ST6GALNAC5: variants seen among roughly 807,000 people sequenced by gnomAD.
The protein encoded by ST6GALNAC5 is alpha-N-acetylgalactosaminide alpha-2,6-sialyltransferase 5.
A neutral mutation model predicts 33.6 loss-of-function variants in ST6GALNAC5; 27 were observed. The ratio of observed to expected loss-of-function variants is 0.80; its 90% CI spans 0.59 to 1.11. ST6GALNAC5 has a LOEUF of 1.11. Among genes scored for constraint, ST6GALNAC5 ranks in the 50% least tolerant of loss-of-function variants. ST6GALNAC5 has a pLI of 0.00. For missense variants in ST6GALNAC5, 428 were observed against 454.0 expected (o/e 0.94, Z 0.52); for synonymous variants, 194 against 171.2 (o/e 1.13, Z -1.04).
chr1:76,906,363 A>T (rs1646864241), intron 2 of ST6GALNAC5, among the ~76,000 whole-genome samples: 1 of 152,144 alleles, frequency 6.6e-6, no homozygotes, highest in Non-Finnish European at 1.5e-5. Flanking sequence ...CATTTCCTCC[A>T]TGGGGGAAAT....
intron 2 of ST6GALNAC5, among the ~76,000 whole-genome samples, chr1:77,019,057 G>A (rs930377549): frequency 6.6e-6 from 1 of 152,140 alleles, no homozygotes; most frequent in African/African-American, 2.4e-5. Flanking sequence ...ATTCCCCTGA[G>A]CTTTGGAAGG....
intron 2 of ST6GALNAC5, among the ~76,000 whole-genome samples, chr1:76,951,430 C>G (rs1647738426): frequency 1.3e-5 from 2 of 152,040 alleles, no homozygotes; most frequent in Admixed American, 1.3e-4. Flanking sequence ...GCAATTAGAA[C>G]ACATGGACAC....
chr1:77,000,060 C>T (rs202025781), intron 2 of ST6GALNAC5, among the ~76,000 whole-genome samples: 43,817 of 71,366 alleles, frequency 0.61, 15,270 homozygotes, highest in Middle Eastern at 0.79. Flanking sequence ...CCTGAGGAAT[C>T]GCCACACTGA....
intron 2 of ST6GALNAC5, among the ~76,000 whole-genome samples, chr1:77,005,826 G>T (rs1033586111): frequency 6.6e-6 from 1 of 152,128 alleles, no homozygotes; most frequent in African/African-American, 2.4e-5. Flanking sequence ...GATCTGGATT[G>T]TTTCATTGAG....
chr1:76,877,640 G>A (rs1056262354), intron 2 of ST6GALNAC5, among the ~76,000 whole-genome samples: 3 of 152,208 alleles, frequency 2.0e-5, no homozygotes, highest in Non-Finnish European at 4.4e-5. Context: ...CCGATCCTCT[G>A]GCATGCAAAT....
chr1:76,931,451 C>A (rs1005758567), intron 2 of ST6GALNAC5, among the ~76,000 whole-genome samples: 48 of 152,040 alleles, frequency 3.2e-4, no homozygotes, highest in Non-Finnish European at 6.2e-4. Flanking sequence ...CCAAATTTAA[C>A]CTCCAAGCAT....
At position 76,908,931 on chromosome 1, in the gene ST6GALNAC5, A is replaced by T. The variant is rs578060376; in HGVS notation, c.261+40189A>T. ...TAAGAAATTGAAGTTTTATTTTCTG[A>T]AGTTATATATTAGTTTTATTTCCTA... On this transcript the variant is annotated intron_variant, in intron 2 of 4. Transcript: ENST00000477717. 9.2e-5 allele frequency among the ~76,000 whole-genome samples: 14 copies of T among 152,264 alleles called. No individual in the cohort carries two copies. In the South Asian group the frequency reaches 2.1e-3, roughly 23 times the overall value.
rs1487601450 is a variant in ST6GALNAC5, at chr1:77,064,941, G to A, written c.*1735G>A. On this transcript the variant is annotated 3_prime_UTR_variant, in exon 5 of 5. Coordinates refer to ENST00000477717, the MANE Select transcript of ST6GALNAC5 (RefSeq NM_030965.3). ...TTGTTAAAATGCAAACACAATCAGG[G>A]TACTCACATAACATAAACAAAGTTG... 1 of 152,112 alleles carries A rather than the reference G, an allele frequency of 6.6e-6. No homozygotes were observed. The highest frequency in any genetic ancestry group is 1.5e-5 in the Non-Finnish European group (1 of 68,018). The allele number at this position is 152,112 out of a possible 1,614,324, so 9.4% of individuals were successfully genotyped here.
intron 2 of ST6GALNAC5, among the ~76,000 whole-genome samples, chr1:76,943,972 T>C (rs1480658337): frequency 6.6e-6 from 1 of 152,128 alleles, no homozygotes; most frequent in Non-Finnish European, 1.5e-5. Context: ...TGTGGGTTTG[T>C]GCACATAGGG....
chr1:76,978,539 T>C (rs1442946939), intron 2 of ST6GALNAC5, among the ~76,000 whole-genome samples: 2 of 152,224 alleles, frequency 1.3e-5, no homozygotes, highest in Non-Finnish European at 2.9e-5. Flanking sequence ...ATGATCATTT[T>C]AATAGATGCT....
intron 2 of ST6GALNAC5, among the ~76,000 whole-genome samples, chr1:77,029,031 A>G (rs1651352990): frequency 6.6e-6 from 1 of 152,188 alleles, no homozygotes; most frequent in Non-Finnish European, 1.5e-5. Context: ...CAGTGTGGGC[A>G]TGTGTAGAGT....
At chr1:76,905,018 G>T (rs890434846) in intron 2 of ST6GALNAC5, among the ~76,000 whole-genome samples, 11 of 152,096 alleles carry the variant, frequency 7.2e-5, no homozygotes, top group Admixed American at 1.3e-4. Context: ...CTTGATCAGG[G>T]TGCTGTTTAT....
chr1:76,981,203 A>G (rs1467807486), intron 2 of ST6GALNAC5, among the ~76,000 whole-genome samples: 1 of 152,214 alleles, frequency 6.6e-6, no homozygotes, highest in Non-Finnish European at 1.5e-5. Context: ...TCACCAGGGA[A>G]GCATGAGGGG....
intron 2 of ST6GALNAC5, among the ~76,000 whole-genome samples, chr1:76,967,585 C>G (rs1013568027): frequency 2.6e-5 from 4 of 152,118 alleles, no homozygotes; most frequent in Admixed American, 6.6e-5. Flanking sequence ...CTATCTCTTT[C>G]AGTGCTGCTC....
intron 2 of ST6GALNAC5, among the ~76,000 whole-genome samples, chr1:76,903,733 C>T (rs1646838928): frequency 6.6e-6 from 1 of 152,104 alleles, no homozygotes; most frequent in Non-Finnish European, 1.5e-5. Flanking sequence ...AATGAAAATA[C>T]AGCAGTTAGT....
intron 2 of ST6GALNAC5, among the ~76,000 whole-genome samples, chr1:77,023,861 A>T (rs971111752): frequency 1.3e-5 from 2 of 152,188 alleles, no homozygotes; most frequent in African/African-American, 4.8e-5. Context: ...GGATGGGGGT[A>T]GTCATTGGGG....
intron 2 of ST6GALNAC5, among the ~76,000 whole-genome samples, chr1:76,942,454 C>T (rs1003118287): frequency 2.0e-5 from 3 of 152,036 alleles, no homozygotes; most frequent in African/African-American, 2.4e-5. Flanking sequence ...CAGTTGATAC[C>T]GCCAGTATCC....
intron 2 of ST6GALNAC5, among the ~76,000 whole-genome samples, chr1:76,981,330 G>T (rs1441010152): frequency 6.6e-6 from 1 of 152,212 alleles, no homozygotes; most frequent in East Asian, 1.9e-4. Context: ...CAGACAAGGT[G>T]ATTCTCTCCT....
chr1:76,967,945 G>C (rs1648570371), intron 2 of ST6GALNAC5, among the ~76,000 whole-genome samples: 1 of 152,210 alleles, frequency 6.6e-6, no homozygotes. Context: ...TGGTCTGAGA[G>C]ACAGTTTGTT....
Sources: gnomAD v4.1 joint callset for allele counts (sites outside exome capture counted in the v4.1 genomes callset) on GRCh38, gnomAD v4.1.1 for gene constraint, MANE v1.5 for transcripts, NCBI Gene and HGNC (gene_info 2026-07-23, HGNC 2026-07-21) for gene names.